The following NEDD4L variants were observed in gnomAD, a reference collection of about 807,000 sequenced individuals.
The protein encoded by NEDD4L is E3 ubiquitin-protein ligase NEDD4-like.
Under a neutral mutation model 148.9 loss-of-function variants are expected in NEDD4L, and 54 were observed. The ratio of observed to expected loss-of-function variants is 0.36; its 90% confidence interval spans 0.29 to 0.45. The LOEUF is 0.45. NEDD4L is among the 20% of genes least tolerant of loss of function. NEDD4L has a pLI of 1.00. For missense variants in NEDD4L, 856 were observed against 1,233.8 expected, an observed-to-expected ratio of 0.69 and a Z score of 4.59; for synonymous variants, 433 against 440.7, an observed-to-expected ratio of 0.98 and a Z score of 0.22.
At position 58,351,150 on chromosome 18, in the gene NEDD4L, C is replaced by T. The variant is rs567590845; in HGVS notation, c.1708+105C>T. ...GTCATTTTACTCTTTATCTAGGCAGCCAGGTGTTATGTGGAGAAAATGATA... is the reference window on the plus strand; with the variant it reads ...GTCATTTTACTCTTTATCTAGGCAGTCAGGTGTTATGTGGAGAAAATGATA... On this transcript the variant is annotated intron_variant, in intron 18 of 30. Coordinates refer to ENST00000400345, the MANE Select transcript of NEDD4L (RefSeq NM_001144967.3). 3 of 1,530,206 alleles carry T rather than the reference C, an allele frequency of 2.0e-6. No individual in the cohort carries two copies. In the Admixed American group the frequency reaches 6.0e-5, roughly 30 times the overall value. The allele number at this position is 1,530,206 out of a possible 1,614,324, so 94.8% of individuals were successfully genotyped here.
chr18:58,095,830 C>T (rs548186314), intron 1 of NEDD4L, among the ~76,000 whole-genome samples: 1 of 152,296 alleles, frequency 6.6e-6, no homozygotes, highest in African/African-American at 2.4e-5. Flanking sequence ...CTTGTGCAAC[C>T]ACAAGCAGGT....
intron 2 of NEDD4L, among the ~76,000 whole-genome samples, chr18:58,187,910 C>G (rs1017249917): frequency 1.3e-5 from 2 of 152,132 alleles, no homozygotes; most frequent in Non-Finnish European, 2.9e-5. Context: ...TCAGTTCTAA[C>G]TTTCTAAAGA....
intron 1 of NEDD4L, among the ~76,000 whole-genome samples, chr18:58,080,982 C>G (rs756271172): frequency 3.9e-5 from 6 of 151,996 alleles, no homozygotes; most frequent in Non-Finnish European, 8.8e-5. Flanking sequence ...TCCTCAGCAT[C>G]GGAACTCCAG....
chr18:58,140,823 C>G (rs1478543927), intron 1 of NEDD4L, among the ~76,000 whole-genome samples: 1 of 152,144 alleles, frequency 6.6e-6, no homozygotes, highest in African/African-American at 2.4e-5. Context: ...AGTGGAGTGG[C>G]CTTGTGGCAT....
chr18:58,151,773 G>T (rs1179741198), intron 1 of NEDD4L, among the ~76,000 whole-genome samples: 1 of 152,046 alleles, frequency 6.6e-6, no homozygotes, highest in Non-Finnish European at 1.5e-5. Flanking sequence ...AGGTAGCTGT[G>T]TAAGAGGATG....
intron 1 of NEDD4L, among the ~76,000 whole-genome samples, chr18:58,099,931 A>T (rs955466669): frequency 1.3e-5 from 2 of 152,174 alleles, no homozygotes; most frequent in Admixed American, 1.3e-4. Flanking sequence ...CTTGCTTTAC[A>T]GAATAATCTG....
At chr18:58,186,463 T>TGA (rs1175988847) in intron 2 of NEDD4L, among the ~76,000 whole-genome samples, 6 of 152,204 alleles carry the variant, frequency 3.9e-5, no homozygotes, top group Non-Finnish European at 5.9e-5. Context: ...TTATAATGTG[T>TGA]GAGTCACACT....
chr18:58,081,507 A>G (rs1033232684), intron 1 of NEDD4L, among the ~76,000 whole-genome samples: 27 of 151,776 alleles, frequency 1.8e-4, no homozygotes, highest in African/African-American at 5.1e-4. Flanking sequence ...GAGCCACCGC[A>G]CCCAGCTGGA....
intron 1 of NEDD4L, among the ~76,000 whole-genome samples, chr18:58,063,693 G>A (rs1020888511): frequency 4.0e-5 from 6 of 151,508 alleles, no homozygotes; most frequent in African/African-American, 9.7e-5. Context: ...AGCCTCCCGA[G>A]TAGCTGGGAC....
intron 1 of NEDD4L, among the ~76,000 whole-genome samples, chr18:58,085,112 T>C (rs1052083412): frequency 2.0e-5 from 3 of 152,212 alleles, no homozygotes; most frequent in African/African-American, 4.8e-5. Flanking sequence ...AATCACTTCT[T>C]TAAAGTCCCA....
intron 1 of NEDD4L, among the ~76,000 whole-genome samples, chr18:58,128,515 C>T (rs2031534577): frequency 6.6e-6 from 1 of 152,180 alleles, no homozygotes; most frequent in Non-Finnish European, 1.5e-5. Context: ...AGTCCCAAAA[C>T]AACAGATTCC....
At chr18:58,082,079 A>AATATAT (rs72331379) in intron 1 of NEDD4L, among the ~76,000 whole-genome samples, 44 of 89,942 alleles carry the variant, frequency 4.9e-4, no homozygotes, top group Middle Eastern at 7.9e-3. Flanking sequence ...CTTTCTGATG[A>AATATAT]ATATATATAT....
intron 25 of NEDD4L, among the ~76,000 whole-genome samples, chr18:58,385,300 A>G (rs1253155192): frequency 6.6e-6 from 1 of 152,116 alleles, no homozygotes; most frequent in Admixed American, 6.6e-5. Flanking sequence ...GATGTGGGGG[A>G]AGTTAATTAC....
chr18:58,189,351 T>G (rs1475522223), intron 2 of NEDD4L, among the ~76,000 whole-genome samples: 1 of 152,154 alleles, frequency 6.6e-6, no homozygotes. Context: ...CAGTGACCTT[T>G]ACACCCCAGG....
chr18:58,224,608 T>G (rs996554323), intron 2 of NEDD4L, among the ~76,000 whole-genome samples: 1 of 152,234 alleles, frequency 6.6e-6, no homozygotes, highest in African/African-American at 2.4e-5. Context: ...TTGGGCACCG[T>G]CCTGTGTGGT....
chr18:58,163,944 G>C (rs578188247), intron 1 of NEDD4L, among the ~76,000 whole-genome samples: 1 of 151,990 alleles, frequency 6.6e-6, no homozygotes, highest in African/African-American at 2.4e-5. Flanking sequence ...CCCTCACCTA[G>C]GTCTTGACTA....
intron 4 of NEDD4L, among the ~76,000 whole-genome samples, chr18:58,250,087 C>T (rs2047714184): frequency 6.6e-6 from 1 of 152,192 alleles, no homozygotes; most frequent in African/African-American, 2.4e-5. Context: ...CTAATCTTGG[C>T]AGTAGGCACA....
At chr18:58,071,039 A>AAC (rs112714314) in intron 1 of NEDD4L, among the ~76,000 whole-genome samples, 2,217 of 151,530 alleles carry the variant, frequency 0.015, 17 homozygotes, top group Middle Eastern at 0.037. Context: ...AGGTTAAAAA[A>AAC]ACACACACAC....
intron 6 of NEDD4L, among the ~76,000 whole-genome samples, chr18:58,318,532 T>C (rs2058495483): frequency 1.3e-5 from 2 of 152,242 alleles, no homozygotes; most frequent in African/African-American, 4.8e-5. Context: ...GCTCCAGCCT[T>C]GGAGACAGAG....
Sources: gnomAD v4.1 joint callset for allele counts (sites outside exome capture counted in the v4.1 genomes callset) on GRCh38, gnomAD v4.1.1 for gene constraint, MANE v1.5 for transcripts, NCBI Gene and HGNC (gene_info 2026-07-23, HGNC 2026-07-21) for gene names.